Variants in NUCB2 observed in about 807,000 individuals in gnomAD.
The protein encoded by NUCB2 is nucleobindin-2.
In NUCB2, 48 loss-of-function variants were observed where a neutral mutation model predicts 57.9. The ratio of observed to expected loss-of-function variants is 0.83; its 90% CI spans 0.66 to 1.05. The LOEUF (loss-of-function observed/expected upper bound fraction) is 1.05. Ranked by LOEUF, NUCB2 falls within the 50% of genes least tolerant of loss-of-function variation. NUCB2 has a pLI of 0.00. For synonymous variants in NUCB2, 139 were observed against 152.1 expected (o/e 0.91, Z 0.64); for missense variants, 442 against 476.2 (o/e 0.93, Z 0.67).
In NUCB2 at chr11:17,293,887, G is replaced by C. The variant is rs189723394; in HGVS notation, c.1-1437G>C. ...TAGATTAGTGGTTGCCAGGGGATGG[G>C]AAAAAAGGGTAACAGTGAGTGACTG... On this transcript the variant is annotated intron_variant, in intron 2 of 13. Coordinates refer to ENST00000529010, the MANE Select transcript of NUCB2 (RefSeq NM_005013.4). Among the ~76,000 whole-genome samples the C allele has an allele frequency of 4.8e-3, 736 of 152,198 alleles. 8 individuals carry two copies. Among genetic ancestry groups the C allele is most frequent in the African/African-American group, 0.016 (684 of 41,554 alleles).
Position 17,330,506 on chromosome 11 carries a change from T to A in NUCB2, c.1173+209T>A, listed in dbSNP as rs1031014681. Among the ~76,000 whole-genome samples the A allele has an allele frequency of 6.6e-6, 1 of 152,224 alleles. No individual in the cohort carries two copies. Among genetic ancestry groups the A allele is most frequent in the South Asian group, 2.1e-4 (1 of 4,834 alleles). ...TTTTATTTTATTTTGAGACAGCCTGTCTCCCAGGCTGGAGTATAGTGCTGT... is the reference window on the plus strand; with the variant it reads ...TTTTATTTTATTTTGAGACAGCCTGACTCCCAGGCTGGAGTATAGTGCTGT... On this transcript the variant is annotated intron_variant, in intron 12 of 13. Transcript: ENST00000529010. The surrounding 1 kb of genome is among the most constrained non-coding windows in gnomAD (Gnocchi z 4.3).
At chr11:17,316,638 C>A (rs549524700) in intron 11 of NUCB2, among the ~76,000 whole-genome samples, 75 of 152,178 alleles carry the variant, frequency 4.9e-4, no homozygotes, top group African/African-American at 1.8e-3. Context: ...TATATCTTGG[C>A]AAACTGCTCG....
chr11:17,328,700 T>TG (rs956728765), intron 11 of NUCB2, among the ~76,000 whole-genome samples: 93 of 152,208 alleles, frequency 6.1e-4, no homozygotes, highest in African/African-American at 2.2e-3. Flanking sequence ...TTCAGGGAAG[T>TG]GGGCTCCCCT....
intron 5 of NUCB2, among the ~76,000 whole-genome samples, chr11:17,309,267 T>C (rs1303107654): frequency 6.6e-6 from 1 of 151,956 alleles, no homozygotes; most frequent in East Asian, 1.9e-4. Context: ...GATGCAGTGA[T>C]CCATGATTGC....
intron 11 of NUCB2, among the ~76,000 whole-genome samples, chr11:17,315,818 G>A (rs1008617119): frequency 6.6e-6 from 1 of 152,110 alleles, no homozygotes; most frequent in Non-Finnish European, 1.5e-5. Context: ...AGATTCTTGA[G>A]TTATGCATCG....
intron 10 of NUCB2, among the ~76,000 whole-genome samples, chr11:17,312,707 C>T (rs1948682592): frequency 2.0e-5 from 3 of 146,520 alleles, no homozygotes; most frequent in African/African-American, 7.6e-5. Flanking sequence ...GAGCCACTGG[C>T]CTTTTTTGTT....
rs755191909 is a variant in NUCB2, at chr11:17,310,851, C to A, written c.510C>A (p.Asp170Glu). The stretch of plus-strand genomic sequence containing the variant: ...CAACAAGTGATCTGGAACACTATGA[C>A]AAGACTCGTCATGAAGAATTTAAAA... The part of the protein sequence containing the change: ...KAATSDLEHY[D>E]KTRHEEFKKY... Residue 170 changes from aspartate to glutamate, a missense_variant, in exon 7 of 14, where the codon GAC becomes GAA. Asp to Glu is a conservative substitution (Grantham distance 45, BLOSUM62 2). Transcript: ENST00000529010. The A allele has an allele frequency of 1.3e-6, 2 of 1,587,602 alleles. No homozygotes were observed. The highest frequency in any genetic ancestry group is 2.4e-5 in the South Asian group (2 of 84,810).
At chr11:17,319,854 C>A (rs1442974550) in intron 11 of NUCB2, among the ~76,000 whole-genome samples, 1 of 151,850 alleles carries the variant, frequency 6.6e-6, no homozygotes, top group African/African-American at 2.4e-5. Flanking sequence ...GCCCTCATAC[C>A]CATTAGTTAT....
chr11:17,345,179 G>A (rs1952613933), intron 2 of NUCB2, among the ~76,000 whole-genome samples: 1 of 151,058 alleles, frequency 6.6e-6, no homozygotes, highest in South Asian at 2.1e-4. Flanking sequence ...AAAAAAAATT[G>A]TCTTCTGGAA....
chr11:17,288,880 TATACACACACACACAC>T (rs1190377075), intron 2 of NUCB2, among the ~76,000 whole-genome samples: 704 of 67,522 alleles, frequency 0.01, 34 homozygotes, highest in Admixed American at 0.014. Flanking sequence ...ATAACATGTA[TATACACACACACACAC>T]ACACACACAC....
chr11:17,329,141 T>G (rs1271165565), intron 11 of NUCB2, among the ~76,000 whole-genome samples: 1 of 152,162 alleles, frequency 6.6e-6, no homozygotes, highest in Non-Finnish European at 1.5e-5. Flanking sequence ...CCTATCCTAC[T>G]ATGGCTTAGC....
intron 2 of NUCB2, among the ~76,000 whole-genome samples, chr11:17,348,551 G>A (rs1952959737): frequency 6.6e-6 from 1 of 151,862 alleles, no homozygotes; most frequent in Non-Finnish European, 1.5e-5. Flanking sequence ...TGTTGCCTAA[G>A]CTGATTCCAA....
At chr11:17,296,657 G>A (rs1945870767) in intron 4 of NUCB2, among the ~76,000 whole-genome samples, 1 of 152,066 alleles carries the variant, frequency 6.6e-6, no homozygotes, top group African/African-American at 2.4e-5. Flanking sequence ...GAGGTACTGG[G>A]AGGCATCCTA....
intron 11 of NUCB2, chr11:17,317,619 A>T (rs1409037836): frequency 2.4e-6 from 1 of 421,358 alleles, no homozygotes; most frequent in South Asian, 1.7e-5. Flanking sequence ...AGGACAGACT[A>T]TTATGTTGTA....
At chr11:17,349,194 G>C (rs1476148649) in intron 2 of NUCB2, among the ~76,000 whole-genome samples, 1 of 152,162 alleles carries the variant, frequency 6.6e-6, no homozygotes, top group Non-Finnish European at 1.5e-5. Context: ...AGACTTACAA[G>C]ACTGGTACCA....
intron 6 of NUCB2, among the ~76,000 whole-genome samples, chr11:17,310,425 TCAG>T (rs1374854058): frequency 6.6e-6 from 1 of 152,116 alleles, no homozygotes; most frequent in Non-Finnish European, 1.5e-5. Flanking sequence ...TCACCCAAGG[TCAG>T]CAGTTCAAGA....
chr11:17,312,249 T>G, intron 10 of NUCB2, 129 bp downstream of exon 10: 1 of 603,884 alleles, frequency 1.7e-6, no homozygotes, highest in Non-Finnish European at 2.8e-6. Context: ...TTTGTTTTTT[T>G]TTTGAGACAG....
chr11:17,317,021 T>G (rs756501841), intron 11 of NUCB2, among the ~76,000 whole-genome samples: 19 of 152,314 alleles, frequency 1.2e-4, no homozygotes, highest in Middle Eastern at 3.4e-3. Flanking sequence ...TTGACTTTGG[T>G]GAAGAAGAAG....
downstream of NUCB2, chr11:17,332,883 AT>A (rs916680174): frequency 2.2e-4 from 33 of 150,672 alleles, no homozygotes; most frequent in African/African-American, 6.6e-4. Flanking sequence ...CTGGCTAAAC[AT>A]TTTTTTTTGT....
Sources: gnomAD v4.1 joint callset for allele counts (sites outside exome capture counted in the v4.1 genomes callset) on GRCh38, gnomAD v4.1.1 for gene constraint, Gnocchi (gnomAD v3.1) non-coding constraint, MANE v1.5 for transcripts, NCBI Gene and HGNC (gene_info 2026-07-23, HGNC 2026-07-21) for gene names.